MANBAL: variants seen among roughly 807,000 people sequenced by gnomAD.
MANBAL encodes the protein protein MANBAL.
MANBAL carries 1 observed loss-of-function variant against 6.4 expected under a neutral mutation model. That is an observed-to-expected ratio of 0.16 (90% CI 0.06 to 0.74). The LOEUF (loss-of-function observed/expected upper bound fraction) is 0.74, where lower values mean the gene tolerates loss of function less well. Ranked by LOEUF, MANBAL falls within the 30% of genes least tolerant of loss-of-function variation. The pLI is 0.78. For missense variants in MANBAL, 100 were observed against 107.8 expected (o/e 0.93, Z 0.32); for synonymous variants, 47 against 45.8 (o/e 1.03, Z -0.10).
intron 1 of MANBAL, among the ~76,000 whole-genome samples, chr20:37,292,407 T>G (rs1345783000): frequency 1.3e-5 from 2 of 152,192 alleles, no homozygotes; most frequent in Non-Finnish European, 2.9e-5. Flanking sequence ...GTTTAAGTGA[T>G]TCTCCTGCCT....
At chr20:37,313,488 G>A (rs1391630074) in intron 2 of MANBAL, among the ~76,000 whole-genome samples, 1 of 152,168 alleles carries the variant, frequency 6.6e-6, no homozygotes, top group African/African-American at 2.4e-5. Flanking sequence ...GTGGATCACT[G>A]GAGGTTAGGA....
intron 2 of MANBAL, among the ~76,000 whole-genome samples, chr20:37,305,333 G>A (rs2069232845): frequency 6.6e-6 from 1 of 152,082 alleles, no homozygotes; most frequent in South Asian, 2.1e-4. Context: ...TTGGAGAGCA[G>A]GGAGGCTGCT....
chr20:37,291,939 C>T (rs1027875054), intron 1 of MANBAL, among the ~76,000 whole-genome samples: 1 of 152,200 alleles, frequency 6.6e-6, no homozygotes, highest in Non-Finnish European at 1.5e-5. Flanking sequence ...TCGGGTATTT[C>T]TTCAAAGTGG....
intron 2 of MANBAL, among the ~76,000 whole-genome samples, chr20:37,312,560 C>T (rs2069412553): frequency 6.6e-6 from 1 of 152,166 alleles, no homozygotes; most frequent in African/African-American, 2.4e-5. Flanking sequence ...CATTATGGCA[C>T]TTTGTGAGGC....
In MANBAL at chr20:37,316,750, T is replaced by A. The variant is rs117968342; in HGVS notation, c.*335T>A. On this transcript the variant is annotated 3_prime_UTR_variant, in exon 3 of 3. Coordinates refer to ENST00000373606, the MANE Select transcript of MANBAL (RefSeq NM_001003897.2). ...TGTCCCTCCTTGAGTTGCCCCCTCC[T>A]TGTGGGTTTACACTACATTTGGGAG... 6.2e-4 allele frequency: 139 copies of A among 224,640 alleles called. 2 individuals carry two copies. In the East Asian group the frequency reaches 0.013, roughly 20 times the overall value. 13.9% of individuals were successfully genotyped at this position (224,640 alleles called of 1,614,324 possible). A position where few individuals can be genotyped will look rare whatever the true frequency, so the allele number is the denominator to read the frequency against.
At chr20:37,312,203 T>C (rs886940104) in intron 2 of MANBAL, among the ~76,000 whole-genome samples, 1 of 152,108 alleles carries the variant, frequency 6.6e-6, no homozygotes, top group African/African-American at 2.4e-5. Flanking sequence ...CTGTAAAAAA[T>C]CAAGCGTGAT....
At chr20:37,290,831 A>G (rs1354633927) in intron 1 of MANBAL, among the ~76,000 whole-genome samples, 1 of 151,800 alleles carries the variant, frequency 6.6e-6, no homozygotes, top group African/African-American at 2.4e-5. Flanking sequence ...CTGGTCTTGA[A>G]CTCCTGGAGG....
intron 2 of MANBAL, among the ~76,000 whole-genome samples, chr20:37,313,375 A>AAAAAC (rs2069432150): frequency 6.6e-6 from 1 of 150,450 alleles, no homozygotes; most frequent in Non-Finnish European, 1.5e-5. Flanking sequence ...CGTCTCAAAA[A>AAAAAC]AAAACAAAGA....
chr20:37,316,592 C>A lies in MANBAL; in HGVS notation c.*177C>A. The A allele has an allele frequency of 1.9e-6, 1 of 524,124 alleles. No homozygotes were observed. The highest frequency in any genetic ancestry group is 2.4e-5 in the South Asian group (1 of 41,922). The allele number at this position is 524,124 out of a possible 1,614,324, so 32.5% of individuals were successfully genotyped here. A position where few individuals can be genotyped will look rare whatever the true frequency, so the allele number is the denominator to read the frequency against. Reference sequence around the variant, plus strand: ...CCCCAGGCTCCAGCTGGGCAATCCACCACTTCCTCTTCCTTCTGCTTCTGT... The same window carrying A: ...CCCCAGGCTCCAGCTGGGCAATCCAACACTTCCTCTTCCTTCTGCTTCTGT... On this transcript the variant is annotated 3_prime_UTR_variant, in exon 3 of 3. Coordinates refer to ENST00000373606, the MANE Select transcript of MANBAL (RefSeq NM_001003897.2).
intron 1 of MANBAL, among the ~76,000 whole-genome samples, chr20:37,295,576 T>C (rs764668342): frequency 6.6e-6 from 1 of 152,224 alleles, no homozygotes; most frequent in Non-Finnish European, 1.5e-5. Context: ...TTGAAAACGA[T>C]TGACATACTG....
chr20:37,316,470 C>T lies in MANBAL; in HGVS notation c.*55C>T. 1 of 1,483,486 alleles carries T rather than the reference C, an allele frequency of 6.7e-7. No individual in the cohort carries two copies. Among genetic ancestry groups the T allele is most frequent in the South Asian group, 1.2e-5 (1 of 85,858 alleles). The allele number at this position is 1,483,486 out of a possible 1,614,324, so 91.9% of individuals were successfully genotyped here. ...GGGAGAGGGTCTTGGGGACAGCCCT[C>T]CTGGGAATCTACATTGTGTTCCCCC... On this transcript the variant is annotated 3_prime_UTR_variant, in exon 3 of 3. Transcript: ENST00000373606.
intron 1 of MANBAL, 122 bp from the exon 2 acceptor site, chr20:37,301,086 T>C (rs776236960): frequency 2.0e-6 from 1 of 493,454 alleles, no homozygotes; most frequent in South Asian, 8.3e-5. Context: ...GAAGTTGCAG[T>C]GATCATGCCA....
chr20:37,308,160 A>T (rs2069300020), intron 2 of MANBAL, among the ~76,000 whole-genome samples: 2 of 152,218 alleles, frequency 1.3e-5, no homozygotes, highest in East Asian at 3.9e-4. Context: ...ATCCCCAGGG[A>T]AGGAACTGTG....
chr20:37,301,311 T>A lies in MANBAL; in HGVS notation c.48T>A (p.Thr16=). 6.2e-7 allele frequency: 1 copy of A among 1,612,316 alleles called. No homozygotes were observed. The highest frequency in any genetic ancestry group is 8.5e-7 in the Non-Finnish European group (1 of 1,178,748). The change falls in exon 2 of 3, where the codon ACT becomes ACA. Residue 16 remains threonine, a synonymous_variant. Transcript: ENST00000373606. ...CACCTCCGGAGGTGCCCGAGCCCAC[T>A]TTCCTGGAGAACCTGCTACGGTACG... ...DFSPPEVPEP[T]FLENLLRYGL...
intron 2 of MANBAL, among the ~76,000 whole-genome samples, chr20:37,303,448 A>G (rs1175754864): frequency 2.0e-5 from 3 of 152,230 alleles, no homozygotes; most frequent in East Asian, 3.8e-4. Flanking sequence ...ATTCAAATGT[A>G]AGGTGATAGT....
At position 37,311,835 on chromosome 20, in the gene MANBAL, ACT is replaced by A. The variant is rs200916938; in HGVS notation, c.151-4470_151-4469del. 7.4e-3 allele frequency among the ~76,000 whole-genome samples: 1,128 copies of A among 152,168 alleles called. 16 individuals are homozygous for A. The highest frequency in any genetic ancestry group is 0.025 in the African/African-American group (1,022 of 41,494). ...CGACTCTGAAAGGAACGTAAAGTAA[ACT>A]CTGACGAGCATGGGGAGGTAGAGGC... On this transcript the variant is annotated intron_variant, in intron 2 of 2. Coordinates refer to ENST00000373606, the MANE Select transcript of MANBAL (RefSeq NM_001003897.2).
At chr20:37,297,694 GTGCAGTGGCGTGATCTCGGCCCAC>G (rs1467248427) in intron 1 of MANBAL, among the ~76,000 whole-genome samples, 1 of 151,664 alleles carries the variant, frequency 6.6e-6, no homozygotes, top group Non-Finnish European at 1.5e-5. Flanking sequence ...CCAGGCTGGA[GTGCAGTGGCGTGATCTCGGCCCAC>G]TGCAACCTCC....
chr20:37,290,717 C>G (rs2068847411), intron 1 of MANBAL, among the ~76,000 whole-genome samples: 1 of 152,142 alleles, frequency 6.6e-6, no homozygotes, highest in Non-Finnish European at 1.5e-5. Context: ...CCTCGGCCTC[C>G]CAGAGTGTTG....
rs940421708 is a variant in MANBAL, at chr20:37,312,439, G to A, written c.151-3869G>A. Among the ~76,000 whole-genome samples, 12 of 152,140 alleles carry A rather than the reference G, an allele frequency of 7.9e-5. No homozygotes were observed. The South Asian group carries it at 1.0e-3, about 13-fold the overall frequency. ...CAGGAAACCTGGGAGAGGCTGGACC[G>A]TGTACCCATGAAGAGGTTAGTTTCA... On this transcript the variant is annotated intron_variant, in intron 2 of 2. Transcript: ENST00000373606.
Sources: allele counts gnomAD v4.1 joint callset (sites outside exome capture counted in the v4.1 genomes callset), GRCh38; gene constraint gnomAD v4.1.1; transcripts MANE v1.5; gene names NCBI Gene and HGNC (gene_info 2026-07-23, HGNC 2026-07-21).